The following RALY variants were observed in gnomAD, a reference collection of about 807,000 sequenced individuals.
RALY encodes RNA-binding protein Raly.
In RALY, 15 loss-of-function variants were observed where a neutral mutation model predicts 30.7. The observed-to-expected ratio is 0.49, with a 90% CI of 0.33 to 0.75. The LOEUF (loss-of-function observed/expected upper bound fraction) is 0.75, where lower values mean the gene tolerates loss of function less well. RALY is among the 30% of genes least tolerant of loss of function. The pLI, the probability that RALY is intolerant of heterozygous loss-of-function variation, is 0.02. For synonymous variants in RALY, 177 were observed against 170.8 expected (o/e 1.04, Z -0.28); for missense variants, 339 against 414.3 (o/e 0.82, Z 1.58).
At chr20:34,012,500 T>C (rs2031445691) in intron 1 of RALY, among the ~76,000 whole-genome samples, 2 of 152,278 alleles carry the variant, frequency 1.3e-5, no homozygotes, top group South Asian at 4.1e-4. Context: ...GAGCCCTACT[T>C]ACCCTTTCTT....
intron 1 of RALY, among the ~76,000 whole-genome samples, chr20:33,997,165 G>T (rs757162634): frequency 3.3e-5 from 5 of 152,154 alleles, no homozygotes; most frequent in African/African-American, 4.8e-5. Flanking sequence ...GCCCAGGCTG[G>T]ATTGCGGTGG....
chr20:34,029,799 T>G (rs1303343900), intron 1 of RALY: 3 of 152,372 alleles, frequency 2.0e-5, no homozygotes, highest in African/African-American at 7.2e-5. Context: ...TCCTTGTGCT[T>G]GCTGCTTTGT....
Position 34,073,861 on chromosome 20 carries a change from C to T in RALY, c.372C>T (p.Tyr124=), listed in dbSNP as rs747094961. The part of the protein sequence containing the change: ...FDYDYYRDDF[Y]DRLFDYRGRL... ...ATGATTACTACCGGGACGACTTCTA[C>T]GACAGGTGAGCAGGGGAGGGGCGTG... Residue 124 remains tyrosine (Y), a synonymous_variant, in exon 5 of 10, where the codon TAC becomes TAT. Transcript: ENST00000246194. 1.5e-5 allele frequency: 24 copies of T among 1,613,916 alleles called. No individual in the cohort carries two copies. Among genetic ancestry groups the T allele is most frequent in the East Asian group, 8.9e-5 (4 of 44,894 alleles).
In RALY at chr20:34,080,846, A is replaced by G. The variant is rs1394099279; in HGVS notation, c.*941A>G. 1 of 152,276 alleles carries G rather than the reference A, an allele frequency of 6.6e-6. No homozygotes were observed. Among genetic ancestry groups the G allele is most frequent in the Non-Finnish European group, 1.5e-5 (1 of 68,094 alleles). 9.4% of individuals were successfully genotyped at this position (152,276 alleles called of 1,614,324 possible). On this transcript the variant is annotated 3_prime_UTR_variant, in exon 10 of 10. Transcript: ENST00000246194. ...CTTTCCTGCCCCTGACACAAACCCTACATCTCAGTCTCACAAAACACACAA... is the reference window on the plus strand; with the variant it reads ...CTTTCCTGCCCCTGACACAAACCCTGCATCTCAGTCTCACAAAACACACAA...
At chr20:34,038,701 A>G (rs2032589890) in intron 2 of RALY, among the ~76,000 whole-genome samples, 4 of 152,194 alleles carry the variant, frequency 2.6e-5, no homozygotes, top group African/African-American at 7.2e-5. Context: ...CATTGTGTGT[A>G]TTCTTAATAC....
chr20:34,009,971 T>A (rs1315697264), intron 1 of RALY, among the ~76,000 whole-genome samples: 2 of 152,178 alleles, frequency 1.3e-5, no homozygotes, highest in Admixed American at 6.5e-5. Context: ...TGCTGGTGAA[T>A]CCCCTGCGAC....
intron 1 of RALY, among the ~76,000 whole-genome samples, chr20:34,009,543 A>T (rs375541534): frequency 3.9e-5 from 6 of 151,954 alleles, no homozygotes; most frequent in Non-Finnish European, 8.8e-5. Flanking sequence ...AGCCTCTACC[A>T]GGGTTGTTAT....
chr20:34,004,886 G>A lies in RALY; in HGVS notation c.-93+10755G>A, dbSNP rs936284532. Among the ~76,000 whole-genome samples, 5 of 152,104 alleles carry A rather than the reference G, an allele frequency of 3.3e-5. No individual in the cohort carries two copies. In the South Asian group the frequency reaches 6.2e-4, roughly 19 times the overall value. ...TTTCTTTGTCAGCTTTTATCCTGCC[G>A]GTGGACCCTAGCTGGGTGTTTATTT... On this transcript the variant is annotated intron_variant, in intron 1 of 9. Transcript: ENST00000246194.
At chr20:34,049,112 G>C (rs1234472923) in intron 2 of RALY, 1 of 153,522 alleles carries the variant, frequency 6.5e-6, no homozygotes, top group African/African-American at 2.4e-5. Flanking sequence ...TGGCATCTAT[G>C]AAAGCCAGAT....
chr20:34,074,439 T>TA (rs2033816429), intron 5 of RALY, among the ~76,000 whole-genome samples: 1 of 152,074 alleles, frequency 6.6e-6, no homozygotes, highest in East Asian at 1.9e-4. Context: ...TCATGGTAGA[T>TA]ACTAACTCAA....
chr20:33,998,175 G>A (rs896709571), intron 1 of RALY, among the ~76,000 whole-genome samples: 5 of 152,234 alleles, frequency 3.3e-5, no homozygotes, highest in African/African-American at 9.6e-5. Flanking sequence ...TTTGTATAGC[G>A]TAGTGGGAAA....
intron 2 of RALY, among the ~76,000 whole-genome samples, chr20:34,052,828 A>T (rs1255469434): frequency 6.6e-6 from 1 of 152,182 alleles, no homozygotes; most frequent in African/African-American, 2.4e-5. Flanking sequence ...CTCTGACACC[A>T]GTAATATAAA....
chr20:34,063,206 G>A (rs1029059456), intron 2 of RALY, among the ~76,000 whole-genome samples: 2 of 152,210 alleles, frequency 1.3e-5, no homozygotes, highest in African/African-American at 4.8e-5. Flanking sequence ...TTCCTGGGAT[G>A]TAAGTACTCC....
chr20:34,013,998 G>T (rs538948876), intron 1 of RALY, among the ~76,000 whole-genome samples: 1 of 152,288 alleles, frequency 6.6e-6, no homozygotes, highest in African/African-American at 2.4e-5. Flanking sequence ...TGTTTTGCAA[G>T]AATACATAAT....
chr20:34,042,113 C>T (rs552145557), intron 2 of RALY, among the ~76,000 whole-genome samples: 1 of 152,060 alleles, frequency 6.6e-6, no homozygotes, highest in East Asian at 1.9e-4. Flanking sequence ...AGCGAGATGC[C>T]GTCTCAAAAA....
At chr20:34,032,074 T>A (rs2032303214) in intron 2 of RALY, among the ~76,000 whole-genome samples, 1 of 152,220 alleles carries the variant, frequency 6.6e-6, no homozygotes, top group Non-Finnish European at 1.5e-5. Flanking sequence ...GCAATTCTCC[T>A]GCCTCAGCCT....
intron 2 of RALY, among the ~76,000 whole-genome samples, chr20:34,041,368 C>T (rs1024730840): frequency 1.3e-5 from 2 of 152,204 alleles, no homozygotes; most frequent in Admixed American, 6.5e-5. Flanking sequence ...AGCAGTTTAC[C>T]TTCAAGAAAC....
At chr20:34,057,596 G>A in intron 2 of RALY, among the ~76,000 whole-genome samples, 1 of 151,662 alleles carries the variant, frequency 6.6e-6, no homozygotes, top group East Asian at 1.9e-4. Context: ...GAACCTGGGA[G>A]GCGGAGCTTA....
intron 2 of RALY, among the ~76,000 whole-genome samples, chr20:34,070,169 G>C (rs534569642): frequency 6.6e-6 from 1 of 152,152 alleles, no homozygotes; most frequent in East Asian, 1.9e-4. Context: ...TAAATAGGTT[G>C]GCAGACTGAT....
Sources: gnomAD v4.1 joint callset for allele counts (sites outside exome capture counted in the v4.1 genomes callset) on GRCh38, gnomAD v4.1.1 for gene constraint, MANE v1.5 for transcripts, NCBI Gene and HGNC (gene_info 2026-07-23, HGNC 2026-07-21) for gene names.